Variants in GRM1 observed in about 807,000 individuals in gnomAD.
GRM1 encodes the protein glutamate metabotropic receptor 1, also known as metabotropic glutamate receptor 1.
In GRM1, 33 loss-of-function variants were observed where a neutral mutation model predicts 90.9. That is an observed-to-expected ratio of 0.36 (90% CI 0.28 to 0.49). GRM1 has a LOEUF of 0.49. GRM1 is among the 20% of genes least tolerant of loss of function. The probability of loss-of-function intolerance (pLI) is 0.99; values close to 1 mark genes in which losing one functional copy is unlikely to be tolerated. For missense variants in GRM1, 1,190 were observed against 1,534.3 expected (o/e 0.78, Z 3.75); for synonymous variants, 700 against 613.2 (o/e 1.14, Z -2.09).
chr6:146,050,114 A>C (rs1342188572), intron 1 of GRM1, among the ~76,000 whole-genome samples: 4 of 152,004 alleles, frequency 2.6e-5, no homozygotes, highest in Admixed American at 6.6e-5. Flanking sequence ...ACCGGTGCAA[A>C]GACTGTATTA....
chr6:146,050,677 CTCATTCT>C, intron 1 of GRM1, among the ~76,000 whole-genome samples: 1 of 151,626 alleles, frequency 6.6e-6, no homozygotes, highest in Non-Finnish European at 1.5e-5. Context: ...CTCTTAGCTG[CTCATTCT>C]CCAAAGCAGA....
chr6:146,259,549 G>T (rs1386151163), intron 2 of GRM1, among the ~76,000 whole-genome samples: 1 of 152,106 alleles, frequency 6.6e-6, no homozygotes, highest in African/African-American at 2.4e-5. Flanking sequence ...GCAGAATCAT[G>T]CAATAGTTGT....
At chr6:146,362,664 CAAAAAA>C (rs11432508) in intron 5 of GRM1, among the ~76,000 whole-genome samples, 2 of 86,196 alleles carry the variant, frequency 2.3e-5, no homozygotes, top group South Asian at 4.5e-4. Context: ...GACTCCATCT[CAAAAAA>C]AAAAAAAAAA....
chr6:146,187,555 A>G (rs1778777694), intron 2 of GRM1, among the ~76,000 whole-genome samples: 1 of 152,050 alleles, frequency 6.6e-6, no homozygotes, highest in Non-Finnish European at 1.5e-5. Context: ...ATGGCAAAAG[A>G]TCATATTCTT....
chr6:146,171,043 G>A (rs560491888), intron 2 of GRM1, among the ~76,000 whole-genome samples: 2 of 151,906 alleles, frequency 1.3e-5, no homozygotes, highest in South Asian at 4.2e-4. Context: ...GTGTACTGGG[G>A]GCATTTTATA....
intron 1 of GRM1, among the ~76,000 whole-genome samples, chr6:146,053,734 T>C (rs1455352725): frequency 6.6e-6 from 1 of 152,052 alleles, no homozygotes; most frequent in Non-Finnish European, 1.5e-5. Flanking sequence ...TTGCAAAACA[T>C]GCTGGGAATG....
chr6:146,353,696 C>G (rs1317542954), intron 4 of GRM1, among the ~76,000 whole-genome samples: 1 of 152,206 alleles, frequency 6.6e-6, no homozygotes, highest in Non-Finnish European at 1.5e-5. Flanking sequence ...GTAGCACAAT[C>G]TCGGCTCACT....
chr6:146,158,297 G>A (rs754550309), intron 1 of GRM1, among the ~76,000 whole-genome samples: 23 of 152,110 alleles, frequency 1.5e-4, no homozygotes, highest in Admixed American at 3.3e-4. Context: ...CAAGAGGGAG[G>A]ATGGAAGGAA....
intron 7 of GRM1, among the ~76,000 whole-genome samples, chr6:146,410,263 T>A (rs1326246753): frequency 6.6e-6 from 1 of 151,750 alleles, no homozygotes; most frequent in Non-Finnish European, 1.5e-5. Context: ...GTCCTTAATT[T>A]AAAAAAAATA....
At chr6:146,419,194 G>T (rs997904046) in intron 7 of GRM1, among the ~76,000 whole-genome samples, 2 of 152,128 alleles carry the variant, frequency 1.3e-5, no homozygotes, top group Non-Finnish European at 2.9e-5. Flanking sequence ...CATTATCAAA[G>T]AAACAGACGG....
intron 1 of GRM1, among the ~76,000 whole-genome samples, chr6:146,117,705 C>T (rs1420202177): frequency 1.3e-5 from 2 of 151,958 alleles, no homozygotes; most frequent in Non-Finnish European, 2.9e-5. Flanking sequence ...TATAAACATA[C>T]TGAGTTTTCC....
intron 2 of GRM1, among the ~76,000 whole-genome samples, chr6:146,301,739 A>G (rs1487760322): frequency 1.3e-5 from 2 of 152,176 alleles, no homozygotes; most frequent in Non-Finnish European, 2.9e-5. Context: ...CTATAGCTCA[A>G]ATCTTCAAAT....
At chr6:146,325,387 A>G (rs1232394369) in intron 3 of GRM1, among the ~76,000 whole-genome samples, 1 of 152,226 alleles carries the variant, frequency 6.6e-6, no homozygotes, top group East Asian at 1.9e-4. Context: ...AACCAATATC[A>G]TCTTTTCTAA....
intron 1 of GRM1, among the ~76,000 whole-genome samples, chr6:146,038,864 T>G (rs147926175): frequency 6.9e-4 from 105 of 152,136 alleles, no homozygotes; most frequent in African/African-American, 2.4e-3. Flanking sequence ...GAAAAAAACT[T>G]TATGAAAGAT....
At chr6:146,272,693 G>A (rs758399140) in intron 2 of GRM1, among the ~76,000 whole-genome samples, 3 of 152,278 alleles carry the variant, frequency 2.0e-5, no homozygotes, top group Admixed American at 6.5e-5. Context: ...GAATTGAGGA[G>A]GCTTGTGTGA....
At position 146,095,674 on chromosome 6, in the gene GRM1, G is replaced by A. The variant is rs142039253; in HGVS notation, c.701-63674G>A. Among the ~76,000 whole-genome samples the A allele has an allele frequency of 3.2e-3, 489 of 152,176 alleles. 4 individuals carry two copies. Among genetic ancestry groups the A allele is most frequent in the African/African-American group, 0.011 (473 of 41,520 alleles). On this transcript the variant is annotated intron_variant, in intron 1 of 7. Coordinates refer to ENST00000282753, the MANE Select transcript of GRM1 (RefSeq NM_001278064.2). ...TGAATCATCTTTGTATGCCTGATAG[G>A]ACTTGCACAGTCTGGCCCAGGGTAG... is the stretch of plus-strand genomic sequence containing the variant.
At chr6:146,272,776 G>A (rs1372439705) in intron 2 of GRM1, among the ~76,000 whole-genome samples, 2 of 152,206 alleles carry the variant, frequency 1.3e-5, no homozygotes, top group Non-Finnish European at 2.9e-5. Flanking sequence ...GGGTAATCCT[G>A]TTTGGGAAAT....
At chr6:146,224,181 G>A (rs2114684589) in intron 2 of GRM1, among the ~76,000 whole-genome samples, 1 of 152,192 alleles carries the variant, frequency 6.6e-6, no homozygotes, top group Non-Finnish European at 1.5e-5. Context: ...ACTGATTACA[G>A]ATAAAACTTT....
rs367950518 is a variant in GRM1, at chr6:146,199,861, T to C, written c.950+40264T>C. Reference sequence around the variant, plus strand: ...GGAGAAACCCCATCTCTACTAAAAATACAAAATTAGCTGGGCATGGTGGCA... The same window carrying C: ...GGAGAAACCCCATCTCTACTAAAAACACAAAATTAGCTGGGCATGGTGGCA... On this transcript the variant is annotated intron_variant, in intron 2 of 7. Transcript: ENST00000282753. Among the ~76,000 whole-genome samples the C allele has an allele frequency of 2.0e-5, 3 of 152,048 alleles. No individual in the cohort carries two copies. The East Asian group carries it at 5.8e-4, about 29-fold the overall frequency.
Sources: allele counts gnomAD v4.1 joint callset (sites outside exome capture counted in the v4.1 genomes callset), GRCh38; gene constraint gnomAD v4.1.1; transcripts MANE v1.5; gene names NCBI Gene and HGNC (gene_info 2026-07-23, HGNC 2026-07-21).